Variants in CDH6 observed in about 807,000 individuals in gnomAD.
CDH6 encodes cadherin-6.
CDH6 carries 31 observed loss-of-function variants against 78.0 expected under a neutral mutation model. The ratio of observed to expected loss-of-function variants is 0.40; its 90% CI spans 0.30 to 0.54. CDH6 has a LOEUF of 0.54. CDH6 is among the 20% of genes least tolerant of loss of function. CDH6 has a pLI of 0.56. For synonymous variants in CDH6, 376 were observed against 368.8 expected (o/e 1.02, Z -0.23); for missense variants, 724 against 975.9 (o/e 0.74, Z 3.44).
chr5:31,262,600 G>A (rs2149930861), intron 1 of CDH6, among the ~76,000 whole-genome samples: 1 of 152,274 alleles, frequency 6.6e-6, no homozygotes. Flanking sequence ...CTAATTGGTT[G>A]GCTCCTAATG....
Position 31,322,915 on chromosome 5 carries a change from C to A in CDH6, c.1980C>A (p.Asn660Lys). The change falls in exon 12 of 12, where the codon AAC (asparagine) becomes AAA (lysine). Residue 660 changes from asparagine to lysine, a missense_variant. Coordinates refer to ENST00000265071, the MANE Select transcript of CDH6 (RefSeq NM_004932.4). The stretch of plus-strand genomic sequence containing the variant: ...TCAGAGATAACATTGTCAGTTACAA[C>A]GACGAAGGTGGTGGAGAGGAGGACA... Reference protein sequence around the residue: ...EDIRDNIVSYNDEGGGEEDTQ... With the variant: ...EDIRDNIVSYKDEGGGEEDTQ... 2 of 1,614,124 alleles carry A rather than the reference C, an allele frequency of 1.2e-6. No individual in the cohort carries two copies. The highest frequency in any genetic ancestry group is 2.2e-5 in the East Asian group (1 of 44,886).
At chr5:31,316,666 G>T (rs1738334024) in intron 9 of CDH6, among the ~76,000 whole-genome samples, 1 of 152,072 alleles carries the variant, frequency 6.6e-6, no homozygotes, top group South Asian at 2.1e-4. Context: ...CTTTATAATT[G>T]CCTATAATTC....
In CDH6 at chr5:31,325,899, A is replaced by G. The variant is rs377053974; in HGVS notation, c.*2591A>G. 9 of 232,148 alleles carry G rather than the reference A, an allele frequency of 3.9e-5. No individual in the cohort carries two copies. In the South Asian group the frequency reaches 9.1e-4, roughly 23 times the overall value. The allele number at this position is 232,148 out of a possible 1,614,324, so 14.4% of individuals were successfully genotyped here. A position where few individuals can be genotyped will look rare whatever the true frequency, so the allele number is the denominator to read the frequency against. On this transcript the variant is annotated 3_prime_UTR_variant, in exon 12 of 12. Coordinates refer to ENST00000265071, the MANE Select transcript of CDH6 (RefSeq NM_004932.4). ...TATCAAGTTGGAGTGACGTTTTCCT[A>G]TAATTCAGACTCTTTGACATCGTGG... is the stretch of plus-strand genomic sequence containing the variant.
chr5:31,201,190 A>G (rs888966353), intron 1 of CDH6, among the ~76,000 whole-genome samples: 12 of 152,294 alleles, frequency 7.9e-5, no homozygotes, highest in African/African-American at 2.9e-4. Context: ...CTTGCGGTGA[A>G]GATAAGGATG....
chr5:31,206,648 A>G (rs186014473), intron 1 of CDH6, among the ~76,000 whole-genome samples: 155 of 152,370 alleles, frequency 1.0e-3, no homozygotes, highest in Non-Finnish European at 1.7e-3. Context: ...ACAAACATAC[A>G]TCGACTAGCA....
intron 2 of CDH6, among the ~76,000 whole-genome samples, chr5:31,281,846 G>A (rs56111840): frequency 0.064 from 9,705 of 152,140 alleles, 359 homozygotes; most frequent in South Asian, 0.14. Flanking sequence ...AGTCAGGCAG[G>A]CCTTGGTATC....
At chr5:31,204,326 C>T (rs527497589) in intron 1 of CDH6, among the ~76,000 whole-genome samples, 1 of 152,290 alleles carries the variant, frequency 6.6e-6, no homozygotes, top group South Asian at 2.1e-4. Flanking sequence ...GACCTCAGTA[C>T]ATGAGTGGAC....
Position 31,294,629 on chromosome 5 carries a change from A to C in CDH6, c.523+373A>C, listed in dbSNP as rs1026586169. 1.2e-4 allele frequency among the ~76,000 whole-genome samples: 19 copies of C among 152,188 alleles called. No individual in the cohort carries two copies. The highest frequency in any genetic ancestry group is 4.6e-4 in the African/African-American group (19 of 41,440). On this transcript the variant is annotated intron_variant, in intron 3 of 11. Coordinates refer to ENST00000265071, the MANE Select transcript of CDH6 (RefSeq NM_004932.4). The surrounding 1 kb of genome is among the most constrained non-coding windows in gnomAD (Gnocchi z 4.1). Reference sequence around the variant, plus strand: ...TCCAAGTAACAATCTCCCAAATAGAAAATAAAAGCTTACATTTACAATCCA... The same window carrying C: ...TCCAAGTAACAATCTCCCAAATAGACAATAAAAGCTTACATTTACAATCCA...
intron 4 of CDH6, among the ~76,000 whole-genome samples, chr5:31,298,994 C>G (rs1280496976): frequency 6.6e-6 from 1 of 152,176 alleles, no homozygotes; most frequent in Non-Finnish European, 1.5e-5. Flanking sequence ...GGATAATTAG[C>G]TAATCCATAA....
chr5:31,309,914 A>T (rs771841287), intron 7 of CDH6, among the ~76,000 whole-genome samples: 9 of 152,208 alleles, frequency 5.9e-5, no homozygotes. Context: ...CCTCTGACAC[A>T]TGGGGATTAC....
chr5:31,218,249 CAG>C (rs1336495499), intron 1 of CDH6, among the ~76,000 whole-genome samples: 1 of 151,624 alleles, frequency 6.6e-6, no homozygotes, highest in Non-Finnish European at 1.5e-5. Flanking sequence ...TTCACAAAAA[CAG>C]AAAAAAAGGA....
intron 2 of CDH6, among the ~76,000 whole-genome samples, chr5:31,270,250 T>C (rs1030201226): frequency 6.6e-6 from 1 of 152,174 alleles, no homozygotes; most frequent in African/African-American, 2.4e-5. Context: ...CAAAACTTTC[T>C]TGGTTCACAG....
chr5:31,251,009 C>A (rs951585195), intron 1 of CDH6: 1 of 152,338 alleles, frequency 6.6e-6, no homozygotes, highest in Non-Finnish European at 1.5e-5. Context: ...GCAGACCTCA[C>A]CAGGGTGTCA....
Position 31,219,115 on chromosome 5 carries a change from A to G in CDH6, c.-129+25229A>G, listed in dbSNP as rs369782167. On this transcript the variant is annotated intron_variant, in intron 1 of 11. Coordinates refer to ENST00000265071, the MANE Select transcript of CDH6 (RefSeq NM_004932.4). ...CAAGCAATTGAAGGCCGAATAGAAC[A>G]AAGACTCAAACACACAAACACAGCA... is the stretch of plus-strand genomic sequence containing the variant. 1.1e-3 allele frequency among the ~76,000 whole-genome samples: 161 copies of G among 152,336 alleles called. 1 individual carries two copies. The highest frequency in any genetic ancestry group is 2.3e-3 in the South Asian group (11 of 4,834).
rs188745311 is a variant in CDH6, at chr5:31,267,574, A to C, written c.101A>C (p.Lys34Thr). The change falls in exon 2 of 12, where the codon AAG (lysine) becomes ACG (threonine). Residue 34 changes from lysine to threonine, a missense_variant. Around this residue, in one of 3 missense-constraint regions of CDH6, gnomAD observed 58 missense variants for 50.8 expected, o/e 1.14. Coordinates refer to ENST00000265071, the MANE Select transcript of CDH6 (RefSeq NM_004932.4). Reference protein sequence around the residue: ...LSKRTSGFPAKKRALELSGNS... With the variant: ...LSKRTSGFPATKRALELSGNS... ...AAGAGGACTAGTGGTTTCCCAGCAAAGAAAAGGGCCCTGGAGCTCTCTGGA... is the reference window on the plus strand; with the variant it reads ...AAGAGGACTAGTGGTTTCCCAGCAACGAAAAGGGCCCTGGAGCTCTCTGGA... 6.2e-7 allele frequency: 1 copy of C among 1,614,116 alleles called. No individual in the cohort carries two copies. Among genetic ancestry groups the C allele is most frequent in the Admixed American group, 1.7e-5 (1 of 60,008 alleles).
chr5:31,267,807 T>C (rs1742405165), intron 2 of CDH6, 106 bp downstream of exon 2: 1 of 850,278 alleles, frequency 1.2e-6, no homozygotes, highest in Non-Finnish European at 1.8e-6. Flanking sequence ...ATAGTAAGAA[T>C]TGTTGCTTAA....
chr5:31,316,922 G>GT (rs1473876738), intron 9 of CDH6, among the ~76,000 whole-genome samples: 1 of 152,186 alleles, frequency 6.6e-6, no homozygotes, highest in Non-Finnish European at 1.5e-5. Flanking sequence ...AATGCTAAGA[G>GT]TGCATTTCTA....
intron 1 of CDH6, among the ~76,000 whole-genome samples, chr5:31,220,157 G>A (rs1216907864): frequency 6.6e-6 from 1 of 152,176 alleles, no homozygotes; most frequent in African/African-American, 2.4e-5. Context: ...ATGTTGGAGA[G>A]CATCAAAGCA....
intron 7 of CDH6, among the ~76,000 whole-genome samples, chr5:31,305,696 A>T (rs1298432466): frequency 1.3e-5 from 2 of 152,178 alleles, no homozygotes; most frequent in East Asian, 3.9e-4. Context: ...GAAGTTCCTT[A>T]TAGGAAATGA....
Sources: allele counts gnomAD v4.1 joint callset (sites outside exome capture counted in the v4.1 genomes callset), GRCh38; gene constraint gnomAD v4.1.1; regional missense constraint gnomAD v4.1.1; non-coding constraint Gnocchi (gnomAD v3.1); transcripts MANE v1.5; gene names NCBI Gene and HGNC (gene_info 2026-07-23, HGNC 2026-07-21).